The following EPS8L1 variants were observed in gnomAD, a reference collection of about 807,000 sequenced individuals.
The protein encoded by EPS8L1 is epidermal growth factor receptor kinase substrate 8-like protein 1.
Under a neutral mutation model 91.7 loss-of-function variants are expected in EPS8L1, and 101 were observed. The ratio of observed to expected loss-of-function variants is 1.10; its 90% CI spans 0.94 to 1.30. The LOEUF (loss-of-function observed/expected upper bound fraction) is 1.30, where lower values mean the gene tolerates loss of function less well. Among genes scored for constraint, EPS8L1 ranks in the 50% most tolerant of loss-of-function variants. The pLI, the probability that EPS8L1 is intolerant of heterozygous loss-of-function variation, is 0.00. For synonymous variants in EPS8L1, 506 were observed against 445.3 expected (o/e 1.14, Z -1.72); for missense variants, 1,114 against 1,017.0 (o/e 1.10, Z -1.30).
chr19:55,077,358 T>C (rs12459334), intron 2 of EPS8L1, among the ~76,000 whole-genome samples: 23,744 of 152,116 alleles, frequency 0.16, 1,940 homozygotes, highest in Middle Eastern at 0.17. Context: ...ATAACAGTTA[T>C]TGAGGCTTCA....
chr19:55,087,290 T>G lies in EPS8L1; in HGVS notation c.1953-13T>G. The G allele has an allele frequency of 6.3e-7, 1 of 1,593,346 alleles. No homozygotes were observed. The highest frequency in any genetic ancestry group is 8.5e-7 in the Non-Finnish European group (1 of 1,170,442). On this transcript the variant is annotated splice_polypyrimidine_tract_variant and intron_variant, in intron 18 of 19. Transcript: ENST00000201647. ...CCGACCGGCCTGACCGCGCCCGGGC[T>G]GCCCTCGCTCAGGACCGTGGACGCG...
chr19:55,078,160 T>C (rs750254046), intron 3 of EPS8L1, 32 bp downstream of exon 3: 1 of 1,609,600 alleles, frequency 6.2e-7, no homozygotes, highest in Admixed American at 1.7e-5. Flanking sequence ...CCCAGGCCCA[T>C]AGAACTGGGT....
At chr19:55,080,555 A>AC in intron 6 of EPS8L1, 2 of 1,610,826 alleles carry the variant, frequency 1.2e-6, no homozygotes, top group Non-Finnish European at 1.7e-6. Flanking sequence ...GGGGCGAGGA[A>AC]CCACCCGGAC....
chr19:55,086,563 G>A (rs1467627548), intron 17 of EPS8L1, 45 bp downstream of exon 17: 1 of 1,542,306 alleles, frequency 6.5e-7, no homozygotes, highest in East Asian at 2.5e-5. Flanking sequence ...CCTTATCCTT[G>A]CTTTCCAGGC....
chr19:55,087,061 G>GT (rs1249527657), intron 18 of EPS8L1, 173 bp downstream of exon 18: 3 of 1,069,144 alleles, frequency 2.8e-6, no homozygotes, highest in Non-Finnish European at 3.9e-6. Context: ...TGATTGCCAT[G>GT]TTTTTTCAGA....
rs774527274 is a variant in EPS8L1 at position 55,081,454 on chromosome 19, G to T, written c.736G>T (p.Gly246Cys). ...DSASPDLGPRGPDLAVLQAER... is the reference protein window; with the variant it reads ...DSASPDLGPRCPDLAVLQAER... ...GGCCTCCCCGGACCTGGGTCCCCGG[G>T]GTCCTGACCTGGCGGTTCTGCAGGC... The change falls in exon 8 of 20, where the codon GGT becomes TGT. Residue 246 changes from glycine to cysteine, a missense_variant. Coordinates refer to ENST00000201647, the MANE Select transcript of EPS8L1 (RefSeq NM_133180.3). This position sits in a 1 kb window ranked among gnomAD's most constrained non-coding sequence, Gnocchi z 4.9. The T allele has an allele frequency of 3.8e-6, 6 of 1,599,956 alleles. No homozygotes were observed. The highest frequency in any genetic ancestry group is 2.7e-5 in the African/African-American group (2 of 74,468).
intron 2 of EPS8L1, among the ~76,000 whole-genome samples, chr19:55,077,179 A>G (rs1048146312): frequency 1.3e-5 from 2 of 152,190 alleles, no homozygotes; most frequent in Non-Finnish European, 2.9e-5. Context: ...GAAATTGAGG[A>G]CGGGAGGAGA....
Position 55,083,722 on chromosome 19 carries a change from C to A in EPS8L1, c.1385+78C>A. ...GGGGCTCCCGATGCTGACTCCGCCC[C>A]CTTTTTTTCTGTGTTTTTCCTTCTG... On this transcript the variant is annotated intron_variant, in intron 14 of 19. Coordinates refer to ENST00000201647, the MANE Select transcript of EPS8L1 (RefSeq NM_133180.3). This position sits in a 1 kb window ranked among gnomAD's most constrained non-coding sequence, Gnocchi z 4.7. 1 of 1,534,298 alleles carries A rather than the reference C, an allele frequency of 6.5e-7. No homozygotes were observed. Among genetic ancestry groups the A allele is most frequent in the Non-Finnish European group, 8.8e-7 (1 of 1,132,948 alleles).
At chr19:55,079,227 C>T (rs2076201472) in intron 4 of EPS8L1, among the ~76,000 whole-genome samples, 170 bp downstream of exon 4, 1 of 152,094 alleles carries the variant, frequency 6.6e-6, no homozygotes, top group African/African-American at 2.4e-5. Context: ...GATATGAAGC[C>T]AGGGGCCTCG....
At chr19:55,076,840 G>T (rs1228502090) in intron 2 of EPS8L1, among the ~76,000 whole-genome samples, 1 of 152,254 alleles carries the variant, frequency 6.6e-6, no homozygotes, top group African/African-American at 2.4e-5. Flanking sequence ...TCAACTCATA[G>T]GAGTCGCTAT....
rs2076253844 is a variant in EPS8L1, at chr19:55,081,325, G to A, written c.607G>A (p.Val203Ile). 1.3e-6 allele frequency: 2 copies of A among 1,556,210 alleles called. No individual in the cohort carries two copies. Among genetic ancestry groups the A allele is most frequent in the African/African-American group, 1.4e-5 (1 of 74,024 alleles). ...RPSVRAVIST[V>I]ERGAGRGRPQ... is the part of the protein sequence containing the mutation. Reference sequence around the variant, plus strand: ...GTCAGTCCGCGCAGTGATCAGCACCGTAGAGCGGGGCGCGGGCCGCGGACG... The same window carrying A: ...GTCAGTCCGCGCAGTGATCAGCACCATAGAGCGGGGCGCGGGCCGCGGACG... The change falls in exon 8 of 20, where the codon GTA becomes ATA. Residue 203 changes from valine to isoleucine, a missense_variant. Val to Ile is a conservative substitution (Grantham distance 29). Coordinates refer to ENST00000201647, the MANE Select transcript of EPS8L1 (RefSeq NM_133180.3). This position sits in a 1 kb window ranked among gnomAD's most constrained non-coding sequence, Gnocchi z 4.9.
At chr19:55,080,663 C>T in intron 6 of EPS8L1, 109 bp from the exon 7 acceptor site, 1 of 1,563,212 alleles carries the variant, frequency 6.4e-7, no homozygotes, top group Non-Finnish European at 8.7e-7. Context: ...CAGGTGTGAA[C>T]GGTAGCCGCA....
chr19:55,086,736 C>T lies in EPS8L1; in HGVS notation c.1800C>T (p.Ile600=). 6.3e-7 allele frequency: 1 copy of T among 1,598,144 alleles called. No homozygotes were observed. Among genetic ancestry groups the T allele is most frequent in the South Asian group, 1.1e-5 (1 of 90,622 alleles). ...CAGAGAAATTCTCCCAGATGCTCAT[C>T]GTCAACGAGGAACTGCAGGCGCGCC... ...SEKEKFSQML[I]VNEELQARLA... The change falls in exon 18 of 20, where the codon ATC becomes ATT. Residue 600 remains isoleucine, a synonymous_variant. Transcript: ENST00000201647.
In EPS8L1 at chr19:55,085,967, A is replaced by AGAGGAG; in HGVS notation, c.1512_1513insGAGGAG (p.Val504_Leu505insGluGlu). On this transcript the variant is annotated inframe_insertion, in exon 15 of 20. Transcript: ENST00000201647. ...AGCTGTCGGTCAAGCAGCGGGACGT[A>AGAGGAG]CTGGAGGTTAGAGGAGCGGGAGGCT... 1.2e-6 allele frequency: 2 copies of AGAGGAG among 1,612,818 alleles called. No homozygotes were observed. Among genetic ancestry groups the AGAGGAG allele is most frequent in the Admixed American group, 3.3e-5 (2 of 59,982 alleles).
At chr19:55,080,425 G>C (rs113635251) in intron 6 of EPS8L1, 147 bp downstream of exon 6, 1 of 1,601,610 alleles carries the variant, frequency 6.2e-7, no homozygotes, top group Admixed American at 1.7e-5. Flanking sequence ...TGGGAAGGAA[G>C]TTCTGGAAGG....
At position 55,087,271 on chromosome 19, in the gene EPS8L1, GGCCTGACCGCGCCCGGGCT is replaced by G. The variant is rs768973281; in HGVS notation, c.1953-28_1953-10del. On this transcript the variant is annotated splice_polypyrimidine_tract_variant and intron_variant, in intron 18 of 19. Coordinates refer to ENST00000201647, the MANE Select transcript of EPS8L1 (RefSeq NM_133180.3). ...GTCCGGGCTGGGGCATCCGCCGACC[GGCCTGACCGCGCCCGGGCT>G]GCCCTCGCTCAGGACCGTGGACGCG... is the stretch of plus-strand genomic sequence containing the variant. The G allele has an allele frequency of 6.4e-7, 1 of 1,571,956 alleles. No homozygotes were observed. The highest frequency in any genetic ancestry group is 1.1e-5 in the South Asian group (1 of 87,950).
chr19:55,080,835 C>G lies in EPS8L1; in HGVS notation c.493C>G (p.Arg165Gly). ...LHNYRSGRGERRAAALRATQE... is the reference protein window; with the variant it reads ...LHNYRSGRGEGRAAALRATQE... ...CAATTACCGCTCGGGCCGCGGGGAG[C>G]GCAGGGCGGCGGCGCTCAGGTGAGA... The change falls in exon 7 of 20, where the codon CGC (arginine) becomes GGC (glycine). Residue 165 changes from arginine to glycine, a missense_variant. Transcript: ENST00000201647. 1.9e-6 allele frequency: 3 copies of G among 1,610,502 alleles called. No homozygotes were observed. Among genetic ancestry groups the G allele is most frequent in the Non-Finnish European group, 2.5e-6 (3 of 1,178,308 alleles).
rs1262218941 is a variant in EPS8L1 at position 55,087,236 on chromosome 19, T to A, written c.1953-67T>A. On this transcript the variant is annotated intron_variant, in intron 18 of 19. Coordinates refer to ENST00000201647, the MANE Select transcript of EPS8L1 (RefSeq NM_133180.3). ...TGATTGGACCATCGCCGGGTGGGCG[T>A]GACATGATTGTCCGGGCTGGGGCAT... 4 of 1,530,870 alleles carry A rather than the reference T, an allele frequency of 2.6e-6. No individual in the cohort carries two copies. The African/African-American group carries it at 5.5e-5, about 21-fold the overall frequency. 94.8% of individuals were successfully genotyped at this position (1,530,870 alleles called of 1,614,324 possible). A position where few individuals can be genotyped will look rare whatever the true frequency, so the allele number is the denominator to read the frequency against.
chr19:55,086,591 G>A, intron 17 of EPS8L1, 73 bp downstream of exon 17: 1 of 1,534,860 alleles, frequency 6.5e-7, no homozygotes, highest in South Asian at 1.2e-5. Flanking sequence ...CGGGGGCTCA[G>A]AAAGAGCAAA....
Sources: allele counts gnomAD v4.1 joint callset (sites outside exome capture counted in the v4.1 genomes callset), GRCh38; gene constraint gnomAD v4.1.1; non-coding constraint Gnocchi (gnomAD v3.1); transcripts MANE v1.5; gene names NCBI Gene and HGNC (gene_info 2026-07-23, HGNC 2026-07-21).